Variants in MSANTD7 observed in about 807,000 individuals in gnomAD.
MSANTD7 encodes zinc finger and SCAN domain containing 29.
chr10:14,839,025 G>T, the MSANTD7 span, among the ~76,000 whole-genome samples: 4 of 152,222 alleles, frequency 2.6e-5, no homozygotes, highest in Non-Finnish European at 5.9e-5. Flanking sequence ...TCCCGGAGGG[G>T]CGGGGAGGCT....
the MSANTD7 span, chr10:14,842,937 A>C: frequency 2.1e-6 from 2 of 953,194 alleles, no homozygotes; most frequent in Non-Finnish European, 1.5e-6. The surrounding 1 kb of genome is among the most constrained non-coding windows in gnomAD (Gnocchi z 5.2). Flanking sequence ...CCTCTTCAGC[A>C]TAGTTCCTGT....
the MSANTD7 span, chr10:14,842,838 C>A: frequency 1.3e-6 from 2 of 1,530,532 alleles, no homozygotes; most frequent in South Asian, 1.2e-5. This position sits in a 1 kb window ranked among gnomAD's most constrained non-coding sequence, Gnocchi z 5.2. Flanking sequence ...GATGAATCCT[C>A]GGGTGCAGGT....
chr10:14,844,518 A>T, the MSANTD7 span: 1 of 987,288 alleles, frequency 1.0e-6, no homozygotes, highest in Non-Finnish European at 1.2e-6. Flanking sequence ...TTTGTACCTT[A>T]ATCTCTTACA....
At chr10:14,844,640 A>G in the MSANTD7 span, 3 of 984,678 alleles carry the variant, frequency 3.0e-6, no homozygotes, top group African/African-American at 5.2e-5. Flanking sequence ...AGGAAATAAG[A>G]AGTGCCAGGG....
the MSANTD7 span, among the ~76,000 whole-genome samples, chr10:14,839,246 G>A: frequency 6.6e-6 from 1 of 152,224 alleles, no homozygotes; most frequent in Non-Finnish European, 1.5e-5. Context: ...GTTAGGAAAA[G>A]CCAAAGGGAA....
the MSANTD7 span, chr10:14,838,510 C>T: frequency 2.0e-6 from 3 of 1,525,032 alleles, no homozygotes; most frequent in Non-Finnish European, 2.7e-6. Context: ...ACCCGGTTTT[C>T]TGGCGCTGGG....
At chr10:14,843,630 G>A in the MSANTD7 span, 1 of 1,550,430 alleles carries the variant, frequency 6.4e-7, no homozygotes. Flanking sequence ...GAAGAAGGCG[G>A]TCAGTGGCCA....
chr10:14,838,527 A>C, the MSANTD7 span: 28 of 1,455,074 alleles, frequency 1.9e-5, 2 homozygotes, highest in South Asian at 3.4e-4. Context: ...TGGGTCATCC[A>C]CAGGCTTGAG....
chr10:14,838,306 G>T, the MSANTD7 span: 1 of 1,272,540 alleles, frequency 7.9e-7, no homozygotes, highest in Non-Finnish European at 1.1e-6. Flanking sequence ...TGGCGGGAAC[G>T]TGAAGCTCCG....
chr10:14,844,374 G>A, the MSANTD7 span: 9 of 1,020,656 alleles, frequency 8.8e-6, no homozygotes, highest in Admixed American at 4.0e-4. Context: ...AGATACAGAA[G>A]TATGGATATA....
the MSANTD7 span, chr10:14,842,429 C>A: frequency 6.5e-7 from 1 of 1,536,166 alleles, no homozygotes; most frequent in East Asian, 2.4e-5. This position sits in a 1 kb window ranked among gnomAD's most constrained non-coding sequence, Gnocchi z 5.2. Context: ...TGTGTCTAAG[C>A]GAATGCAGCA....
chr10:14,843,972 C>T, the MSANTD7 span: 1 of 1,499,734 alleles, frequency 6.7e-7, no homozygotes. Flanking sequence ...TCCCTGGCTC[C>T]TTTTCTGTGT....
chr10:14,842,671 C>T, the MSANTD7 span: 136 of 1,536,274 alleles, frequency 8.9e-5, 1 homozygote, highest in African/African-American at 1.5e-3. The surrounding 1 kb of genome is among the most constrained non-coding windows in gnomAD (Gnocchi z 5.2). Context: ...TGGCCTCTGA[C>T]GCCCCAGGGG....
At chr10:14,844,468 C>A in the MSANTD7 span, 1 of 991,196 alleles carries the variant, frequency 1.0e-6, no homozygotes, top group Non-Finnish European at 1.2e-6. Flanking sequence ...TTTTTAAAAT[C>A]CCTGTGTGGC....
the MSANTD7 span, chr10:14,844,708 T>C: frequency 2.1e-6 from 2 of 969,406 alleles, no homozygotes; most frequent in Non-Finnish European, 2.5e-6. Context: ...ATACTGGCCA[T>C]TTTATAAAAT....
the MSANTD7 span, chr10:14,846,852 A>C: frequency 5.1e-6 from 5 of 985,316 alleles, no homozygotes; most frequent in Non-Finnish European, 6.0e-6. Flanking sequence ...TGGCATTGCT[A>C]ATAAAGGTTG....
At chr10:14,845,167 TC>T in the MSANTD7 span, 2 of 985,302 alleles carry the variant, frequency 2.0e-6, no homozygotes, top group African/African-American at 1.7e-5. Context: ...AAGCCACACT[TC>T]CGATTTACTC....
At chr10:14,846,985 T>C in the MSANTD7 span, 2 of 985,342 alleles carry the variant, frequency 2.0e-6, no homozygotes, top group Non-Finnish European at 2.4e-6. Context: ...CAAATAAAGT[T>C]TTCACTTGTA....
At chr10:14,842,969 G>A in the MSANTD7 span, 29 of 788,284 alleles carry the variant, frequency 3.7e-5, no homozygotes, top group Admixed American at 1.2e-4. The surrounding 1 kb of genome is among the most constrained non-coding windows in gnomAD (Gnocchi z 5.2). Flanking sequence ...TCTGCCCCAC[G>A]CACCTTTTCA....
Sources: allele counts gnomAD v4.1 joint callset (sites outside exome capture counted in the v4.1 genomes callset), GRCh38; gene constraint gnomAD v4.1.1; non-coding constraint Gnocchi (gnomAD v3.1); transcripts MANE v1.5; gene names NCBI Gene and HGNC (gene_info 2026-07-23, HGNC 2026-07-21).